The following TLL1 variants were observed in gnomAD, a reference collection of about 807,000 sequenced individuals.
TLL1 encodes tolloid-like protein 1.
TLL1 carries 49 observed loss-of-function variants against 128.2 expected under a neutral mutation model. The observed-to-expected ratio is 0.38, with a 90% confidence interval of 0.30 to 0.48. TLL1 has a LOEUF of 0.48. Ranked by LOEUF, TLL1 falls within the 20% of genes least tolerant of loss-of-function variation. The pLI, the probability that TLL1 is intolerant of heterozygous loss-of-function variation, is 0.96. For missense variants in TLL1, 1,123 were observed against 1,242.0 expected (o/e 0.90, Z 1.44); for synonymous variants, 454 against 418.8 (o/e 1.08, Z -1.03).
chr4:165,895,264 A>G (rs1359283794), intron 1 of TLL1, among the ~76,000 whole-genome samples: 2 of 152,176 alleles, frequency 1.3e-5, no homozygotes, highest in Non-Finnish European at 2.9e-5. Flanking sequence ...TGGAATTCCT[A>G]ATAGAGCAGT....
chr4:166,066,616 G>C (rs1740587000), intron 16 of TLL1, among the ~76,000 whole-genome samples: 1 of 151,732 alleles, frequency 6.6e-6, no homozygotes, highest in African/African-American at 2.4e-5. Context: ...AATTTGGATT[G>C]AGTTAATTCA....
intron 12 of TLL1, among the ~76,000 whole-genome samples, chr4:166,044,808 ATTAACTGTCTTT>A (rs1323717360): frequency 1.3e-5 from 2 of 152,334 alleles, no homozygotes; most frequent in Non-Finnish European, 2.9e-5. Flanking sequence ...GAATTAAGAG[ATTAACTGTCTTT>A]TAATATGTAA....
chr4:165,881,864 G>A (rs1024277515), intron 1 of TLL1, among the ~76,000 whole-genome samples: 7 of 152,174 alleles, frequency 4.6e-5, no homozygotes, highest in African/African-American at 1.7e-4. Context: ...ATTTAGTCAT[G>A]AGTGCCCTGC....
At chr4:165,938,444 C>T (rs72970191) in intron 1 of TLL1, among the ~76,000 whole-genome samples, 4,770 of 152,170 alleles carry the variant, frequency 0.031, 226 homozygotes, top group African/African-American at 0.1. Flanking sequence ...GTGCTTCCGC[C>T]TGAGGAATTT....
At chr4:165,923,982 A>G (rs753868626) in intron 1 of TLL1, among the ~76,000 whole-genome samples, 3 of 152,124 alleles carry the variant, frequency 2.0e-5, no homozygotes, top group Non-Finnish European at 2.9e-5. Flanking sequence ...GTTTTGGAGC[A>G]CCATGAACCA....
At chr4:165,909,341 A>G (rs1302919316) in intron 1 of TLL1, among the ~76,000 whole-genome samples, 1 of 152,230 alleles carries the variant, frequency 6.6e-6, no homozygotes, top group Admixed American at 6.5e-5. Context: ...TTAAACATTC[A>G]AACGGTAAGT....
chr4:165,926,302 G>A (rs568674746), intron 1 of TLL1, among the ~76,000 whole-genome samples: 66 of 152,158 alleles, frequency 4.3e-4, no homozygotes, highest in Admixed American at 1.0e-3. Context: ...ATACAGAGAA[G>A]GTAGAAACTA....
At chr4:166,004,765 A>T (rs1218541855) in intron 6 of TLL1, among the ~76,000 whole-genome samples, 7 of 152,138 alleles carry the variant, frequency 4.6e-5, no homozygotes, top group African/African-American at 1.7e-4. Flanking sequence ...GTGGGAGATT[A>T]GTTGGTATCT....
chr4:165,928,879 A>G (rs1733388034), intron 1 of TLL1, among the ~76,000 whole-genome samples: 1 of 152,126 alleles, frequency 6.6e-6, no homozygotes, highest in Non-Finnish European at 1.5e-5. Context: ...AACAAATCCA[A>G]TTTTTTAAAA....
chr4:165,874,120 CG>C (rs1730617835), intron 1 of TLL1, 47 bp downstream of exon 1: 1 of 1,611,128 alleles, frequency 6.2e-7, no homozygotes, highest in Admixed American at 1.7e-5. Flanking sequence ...GGGGCCGCTG[CG>C]CTGGGTTTCC....
At chr4:166,078,362 A>G (rs1741134180) in intron 18 of TLL1, among the ~76,000 whole-genome samples, 1 of 152,230 alleles carries the variant, frequency 6.6e-6, no homozygotes, top group Non-Finnish European at 1.5e-5. Flanking sequence ...AAAAAATCGG[A>G]ATTTGCCAGA....
intron 9 of TLL1, among the ~76,000 whole-genome samples, chr4:166,029,753 G>A (rs1211983765): frequency 6.6e-6 from 1 of 152,046 alleles, no homozygotes; most frequent in Admixed American, 6.6e-5. Context: ...TGGAAGCATA[G>A]AGTATTTGTC....
At chr4:165,926,118 G>A (rs1197190593) in intron 1 of TLL1, among the ~76,000 whole-genome samples, 1 of 152,168 alleles carries the variant, frequency 6.6e-6, no homozygotes, top group Non-Finnish European at 1.5e-5. Context: ...TCCAAGGTAT[G>A]CCTGTATAAG....
intron 1 of TLL1, among the ~76,000 whole-genome samples, chr4:165,944,879 C>T (rs1331003863): frequency 6.6e-6 from 1 of 151,810 alleles, no homozygotes; most frequent in Non-Finnish European, 1.5e-5. Flanking sequence ...CTGAGACATC[C>T]AAGTAGAGAT....
intron 1 of TLL1, among the ~76,000 whole-genome samples, chr4:165,979,564 T>C (rs535573111): frequency 1.7e-4 from 26 of 152,184 alleles, no homozygotes; most frequent in African/African-American, 5.8e-4. Flanking sequence ...TGAGAGAACA[T>C]GGGGTCATGG....
At chr4:165,883,424 G>A (rs1156343123) in intron 1 of TLL1, among the ~76,000 whole-genome samples, 1 of 152,074 alleles carries the variant, frequency 6.6e-6, no homozygotes, top group Non-Finnish European at 1.5e-5. Context: ...GAGTGAGAGG[G>A]CCATGAGTTC....
intron 1 of TLL1, among the ~76,000 whole-genome samples, chr4:165,940,243 T>A (rs1733945801): frequency 6.6e-6 from 1 of 152,042 alleles, no homozygotes; most frequent in African/African-American, 2.4e-5. Flanking sequence ...TTAACTATAA[T>A]TTATGTATTT....
chr4:165,894,597 C>T (rs1157529726), intron 1 of TLL1, among the ~76,000 whole-genome samples: 1 of 152,072 alleles, frequency 6.6e-6, no homozygotes, highest in Admixed American at 6.6e-5. Context: ...TAAGTTGTGG[C>T]AAATAACAGA....
At chr4:165,972,178 C>G (rs1232779423) in intron 1 of TLL1, among the ~76,000 whole-genome samples, 1 of 152,112 alleles carries the variant, frequency 6.6e-6, no homozygotes, top group Non-Finnish European at 1.5e-5. Context: ...AGGTAGATCA[C>G]AGACATAGTG....
Sources: allele counts gnomAD v4.1 joint callset (sites outside exome capture counted in the v4.1 genomes callset), GRCh38; gene constraint gnomAD v4.1.1; transcripts MANE v1.5; gene names NCBI Gene and HGNC (gene_info 2026-07-23, HGNC 2026-07-21).